Variants in CCDC137 observed in about 807,000 individuals in gnomAD.
CCDC137 encodes coiled-coil domain-containing protein 137.
A neutral mutation model predicts 30.4 loss-of-function variants in CCDC137; 24 were observed. That is an observed-to-expected ratio of 0.79 (90% CI 0.57 to 1.11). The LOEUF is 1.11. CCDC137 is among the 50% of genes least tolerant of loss of function. The pLI is 0.00. For missense variants in CCDC137, 417 were observed against 380.4 expected, an observed-to-expected ratio of 1.10 and a Z score of -0.80; for synonymous variants, 182 against 155.7, an observed-to-expected ratio of 1.17 and a Z score of -1.26.
At position 81,672,670 on chromosome 17, in the gene CCDC137, T is replaced by A; in HGVS notation, c.836T>A (p.Leu279His). 6.2e-7 allele frequency: 1 copy of A among 1,600,204 alleles called. No homozygotes were observed. Among genetic ancestry groups the A allele is most frequent in the South Asian group, 1.1e-5 (1 of 88,874 alleles). Residue 279 changes from leucine (L) to histidine (H), a missense_variant, in exon 6 of 6, where the codon CTC becomes CAC. By Grantham distance (99) the Leu-to-His change is moderately conservative (BLOSUM62 -3). Transcript: ENST00000329214. ...CAGCTGCACGGGGAGCGACCCCACC[T>A]CACTTCCCGGAAGAAGCCAGAGCCG... ...QQQLHGERPH[L>H]TSRKKPEPQL
rs77065035 is a variant in CCDC137, at chr17:81,673,871, C to T, written c.*1167C>T. The T allele has an allele frequency of 2.6e-5, 4 of 152,200 alleles. No individual in the cohort carries two copies. The highest frequency in any genetic ancestry group is 7.2e-5 in the African/African-American group (3 of 41,452). The allele number at this position is 152,200 out of a possible 1,614,324, so 9.4% of individuals were successfully genotyped here. ...TCTGCCTTCCCCAAGTTTGCACTTTCGACATTAAAGTTTACTTTTTAGTTA... is the reference window on the plus strand; with the variant it reads ...TCTGCCTTCCCCAAGTTTGCACTTTTGACATTAAAGTTTACTTTTTAGTTA... On this transcript the variant is annotated 3_prime_UTR_variant, in exon 6 of 6. Coordinates refer to ENST00000329214, the MANE Select transcript of CCDC137 (RefSeq NM_199287.3).
chr17:81,667,821 A>G lies in CCDC137; in HGVS notation c.227A>G (p.Glu76Gly). The change falls in exon 2 of 6, where the codon GAG (glutamate) becomes GGG (glycine). Residue 76 changes from glutamate (E) to glycine (G), a missense_variant. Glu to Gly is a moderately conservative substitution (Grantham distance 98). Transcript: ENST00000329214. ...RLREIMRSRQEMKNPISNKKR... is the reference protein window; with the variant it reads ...RLREIMRSRQGMKNPISNKKR... The stretch of plus-strand genomic sequence containing the variant: ...CGGGAGATTATGAGGAGCCGCCAAG[A>G]GATGAAAAACCCGATCAGTAACAAG... 1 of 1,612,392 alleles carries G rather than the reference A, an allele frequency of 6.2e-7. No homozygotes were observed. Among genetic ancestry groups the G allele is most frequent in the Non-Finnish European group, 8.5e-7 (1 of 1,179,992 alleles).
At chr17:81,672,386 C>G in intron 5 of CCDC137, 109 bp from the exon 6 acceptor site, 2 of 1,108,244 alleles carry the variant, frequency 1.8e-6, no homozygotes, top group South Asian at 1.5e-5. Flanking sequence ...TGGTGTGTGG[C>G]CTGAGAGTGC....
At chr17:81,667,603 A>C in intron 1 of CCDC137, 126 bp from the exon 2 acceptor site, 2 of 1,040,574 alleles carry the variant, frequency 1.9e-6, no homozygotes, top group South Asian at 3.1e-5. Context: ...CAGGGATTAC[A>C]GGCGTGAGCC....
chr17:81,667,620 C>A, intron 1 of CCDC137, 109 bp from the exon 2 acceptor site: 1 of 1,346,672 alleles, frequency 7.4e-7, no homozygotes, highest in Non-Finnish European at 1.0e-6. Flanking sequence ...AGCCACCAAG[C>A]CCGGCCAGCC....
chr17:81,670,838 A>G (rs1465906378), intron 3 of CCDC137, among the ~76,000 whole-genome samples: 1 of 152,084 alleles, frequency 6.6e-6, no homozygotes, highest in Non-Finnish European at 1.5e-5. Flanking sequence ...CTAATTCTCT[A>G]AAAGCTTTGG....
Position 81,672,959 on chromosome 17 carries a change from T to C in CCDC137, c.*255T>C. 1 of 536,252 alleles carries C rather than the reference T, an allele frequency of 1.9e-6. No individual in the cohort carries two copies. Among genetic ancestry groups the C allele is most frequent in the East Asian group, 3.2e-5 (1 of 31,546 alleles). The allele number at this position is 536,252 out of a possible 1,614,324, so 33.2% of individuals were successfully genotyped here. A position where few individuals can be genotyped will look rare whatever the true frequency, so the allele number is the denominator to read the frequency against. ...TCCATCTCTTTGTTTTGAACGTCCA[T>C]TCTGAGTCTCAGCCCAGGTGGACCT... On this transcript the variant is annotated 3_prime_UTR_variant, in exon 6 of 6. Transcript: ENST00000329214.
chr17:81,667,969 C>A, intron 2 of CCDC137, 107 bp downstream of exon 2: 1 of 1,369,398 alleles, frequency 7.3e-7, no homozygotes, highest in Non-Finnish European at 9.8e-7. Flanking sequence ...TGCCAAGACC[C>A]GGTGCTCAGA....
Position 81,671,813 on chromosome 17 carries a change from G to C in CCDC137, c.567G>C (p.Gln189His). The C allele has an allele frequency of 1.2e-6, 2 of 1,613,536 alleles. No individual in the cohort carries two copies. Among genetic ancestry groups the C allele is most frequent in the Non-Finnish European group, 8.5e-7 (1 of 1,179,872 alleles). Residue 189 changes from glutamine (Q) to histidine (H), a missense_variant, in exon 4 of 6, where the codon CAG (glutamine) becomes CAC (histidine). Transcript: ENST00000329214. Reference sequence around the variant, plus strand: ...AAAAGGCGGCAGACAGGCTGGAGCAGGAGTTGCTCCGAGGTAGCTCTTCCC... The same window carrying C: ...AAAAGGCGGCAGACAGGCTGGAGCACGAGTTGCTCCGAGGTAGCTCTTCCC... ...KEEKAADRLE[Q>H]ELLRDTVKFG...
intron 3 of CCDC137, among the ~76,000 whole-genome samples, chr17:81,671,091 C>T (rs561085287): frequency 2.0e-5 from 3 of 150,762 alleles, no homozygotes; most frequent in Non-Finnish European, 4.4e-5. Context: ...GAGATCGTGC[C>T]GCTGCACTCC....
At chr17:81,672,364 G>A (rs1331646294) in intron 5 of CCDC137, 131 bp from the exon 6 acceptor site, 19 of 973,174 alleles carry the variant, frequency 2.0e-5, no homozygotes, top group South Asian at 8.3e-5. Flanking sequence ...CTCAGCCAAC[G>A]TGTGCGCTGT....
Position 81,670,325 on chromosome 17 carries a change from G to T in CCDC137, c.369G>T (p.Gly123=), listed in dbSNP as rs2036702395. 4 of 1,613,980 alleles carry T rather than the reference G, an allele frequency of 2.5e-6. No individual in the cohort carries two copies. The highest frequency in any genetic ancestry group is 3.4e-6 in the Non-Finnish European group (4 of 1,180,030). The change falls in exon 3 of 6, where the codon GGG becomes GGT. Residue 123 remains glycine, a synonymous_variant. Transcript: ENST00000329214. ...KFKQRKGESD[G]AYIHRMQQEA... is the part of the protein sequence containing the mutation. ...AACAGAGGAAGGGGGAGTCTGACGGGGCCTATATCCACCGCATGCAGCAAG... is the reference window on the plus strand; with the variant it reads ...AACAGAGGAAGGGGGAGTCTGACGGTGCCTATATCCACCGCATGCAGCAAG...
At chr17:81,672,428 CTG>C in intron 5 of CCDC137, 65 bp from the exon 6 acceptor site, 2 of 1,437,522 alleles carry the variant, frequency 1.4e-6, no homozygotes, top group Non-Finnish European at 1.9e-6. Flanking sequence ...GCTGTTGAAG[CTG>C]TGAGGCTTTC....
chr17:81,668,888 T>G (rs372870214), intron 2 of CCDC137, among the ~76,000 whole-genome samples: 22,617 of 150,496 alleles, frequency 0.15, 1,799 homozygotes, highest in Middle Eastern at 0.18. Context: ...TGTGGTTTTT[T>G]TTTTTTTTTT....
chr17:81,667,317 T>C (rs1189550403), intron 1 of CCDC137, among the ~76,000 whole-genome samples: 2 of 145,408 alleles, frequency 1.4e-5, no homozygotes, highest in East Asian at 4.0e-4. Flanking sequence ...TATAGATAGA[T>C]TCTTTTTTTT....
In CCDC137 at chr17:81,673,023, C is replaced by T. The variant is rs1206944093; in HGVS notation, c.*319C>T. On this transcript the variant is annotated 3_prime_UTR_variant, in exon 6 of 6. Transcript: ENST00000329214. The stretch of plus-strand genomic sequence containing the variant: ...ATCCCTGTCCCTGAACACCAAATAC[C>T]GAGACAGCTGATGAGGCTGGCTCAG... 5 of 403,730 alleles carry T rather than the reference C, an allele frequency of 1.2e-5. No individual in the cohort carries two copies. Among genetic ancestry groups the T allele is most frequent in the African/African-American group, 4.0e-5 (2 of 49,436 alleles). 25.0% of individuals were successfully genotyped at this position (403,730 alleles called of 1,614,324 possible).
At chr17:81,667,445 A>T (rs2036651234) in intron 1 of CCDC137, among the ~76,000 whole-genome samples, 1 of 149,330 alleles carries the variant, frequency 6.7e-6, no homozygotes, top group Non-Finnish European at 1.5e-5. Flanking sequence ...CTCCTGCCTC[A>T]GCCTCCCGAG....
Position 81,672,763 on chromosome 17 carries a change from A to C in CCDC137, c.*59A>C, listed in dbSNP as rs2144447131. On this transcript the variant is annotated 3_prime_UTR_variant, in exon 6 of 6. Coordinates refer to ENST00000329214, the MANE Select transcript of CCDC137 (RefSeq NM_199287.3). ...GGCAACTGGCACCAGGAGCTGCTACACCTGGGTAGGAGAGAGGCAGGCCAT... is the reference window on the plus strand; with the variant it reads ...GGCAACTGGCACCAGGAGCTGCTACCCCTGGGTAGGAGAGAGGCAGGCCAT... 2 of 1,449,912 alleles carry C rather than the reference A, an allele frequency of 1.4e-6. No homozygotes were observed. Among genetic ancestry groups the C allele is most frequent in the East Asian group, 5.0e-5 (2 of 40,258 alleles). 89.8% of individuals were successfully genotyped at this position (1,449,912 alleles called of 1,614,324 possible).
chr17:81,667,724 C>T lies in CCDC137; in HGVS notation c.135-5C>T, dbSNP rs772292873. On this transcript the variant is annotated splice_polypyrimidine_tract_variant and splice_region_variant and intron_variant, in intron 1 of 5. Transcript: ENST00000329214. ...CGGGTCTCACCCCCGTGTTCTTTCT[C>T]CCAGCAAAGAGAAGAAGAAAGTGAA... is the stretch of plus-strand genomic sequence containing the variant. 1.2e-6 allele frequency: 2 copies of T among 1,613,722 alleles called. No individual in the cohort carries two copies. The highest frequency in any genetic ancestry group is 3.3e-5 in the Admixed American group (2 of 59,916).
Sources: gnomAD v4.1 joint callset for allele counts (sites outside exome capture counted in the v4.1 genomes callset) on GRCh38, gnomAD v4.1.1 for gene constraint, MANE v1.5 for transcripts, NCBI Gene and HGNC (gene_info 2026-07-23, HGNC 2026-07-21) for gene names.